The following CFDP1 variants were observed in gnomAD, a reference collection of about 807,000 sequenced individuals.
The protein encoded by CFDP1 is heterochromatin-stabilizing protein CFDP1.
In CFDP1, 31 loss-of-function variants were observed where a neutral mutation model predicts 40.1. That is an observed-to-expected ratio of 0.77 (90% CI 0.58 to 1.04). The LOEUF is 1.04. CFDP1 is among the 50% of genes least tolerant of loss of function. The pLI is 0.00. For missense variants in CFDP1, 423 were observed against 343.4 expected, an observed-to-expected ratio of 1.23 and a Z score of -1.83; for synonymous variants, 167 against 120.0, an observed-to-expected ratio of 1.39 and a Z score of -2.56.
At chr16:75,410,937 G>C (rs1384409605) in intron 4 of CFDP1, among the ~76,000 whole-genome samples, 2 of 145,072 alleles carry the variant, frequency 1.4e-5, no homozygotes, top group Non-Finnish European at 3.0e-5. Flanking sequence ...GAAAAAAAAA[G>C]GCCAGGAGTG....
At position 75,294,502 on chromosome 16, in the gene CFDP1, A is replaced by G. The variant is rs549717324; in HGVS notation, c.810-460T>C. Among the ~76,000 whole-genome samples, 25 of 152,312 alleles carry G rather than the reference A, an allele frequency of 1.6e-4. No homozygotes were observed. In the South Asian group the frequency reaches 5.0e-3, roughly 30 times the overall value. On this transcript the variant is annotated intron_variant, in intron 6 of 6. Transcript: ENST00000283882. ...AAAGCTAGGCCTCCTGCATACATAC[A>G]TCAAAACATGAAAAGGGGGCATGTG... is the stretch of plus-strand genomic sequence containing the variant.
chr16:75,407,654 C>CAAAAAAAAAAAAAAAAAAAAAAAA (rs11456525), intron 4 of CFDP1, among the ~76,000 whole-genome samples: 1 of 116,794 alleles, frequency 8.6e-6, no homozygotes. Context: ...GACCCTGTCT[C>CAAAAAAAAAAAAAAAAAAAAAAAA]AAAAAAAAAA....
In CFDP1 at chr16:75,384,852, CTATATATATATATATATATA is replaced by C. The variant is rs59681577; in HGVS notation, c.650+10218_650+10237del. Among the ~76,000 whole-genome samples the C allele has an allele frequency of 3.4e-4, 41 of 119,996 alleles. 2 individuals carry two copies. The South Asian group carries it at 3.6e-3, about 11-fold the overall frequency. 78.7% of individuals were successfully genotyped at this position (119,996 alleles called of 152,430 possible). A position where few individuals can be genotyped will look rare whatever the true frequency, so the allele number is the denominator to read the frequency against. ...TACAAGTTGCAAGAAGAAACTAAAA[CTATATATATATATATATATA>C]TATATATATATATATATATATATAT... On this transcript the variant is annotated intron_variant, in intron 5 of 6. Transcript: ENST00000283882.
rs555667800 is a variant in CFDP1, at chr16:75,361,714, A to G, written c.650+33376T>C. On this transcript the variant is annotated intron_variant, in intron 5 of 6. Coordinates refer to ENST00000283882, the MANE Select transcript of CFDP1 (RefSeq NM_006324.3). Reference sequence around the variant, plus strand: ...ATTAAAAAAAGTTTTTTTACAATACACAATAGAACTGTCAAAAGGCACTTG... The same window carrying G: ...ATTAAAAAAAGTTTTTTTACAATACGCAATAGAACTGTCAAAAGGCACTTG... Among the ~76,000 whole-genome samples the G allele has an allele frequency of 2.2e-4, 33 of 152,312 alleles. 1 individual carries two copies. In the South Asian group the frequency reaches 6.8e-3, roughly 32 times the overall value.
intron 5 of CFDP1, among the ~76,000 whole-genome samples, chr16:75,324,180 T>G (rs781767295): frequency 6.6e-6 from 1 of 151,678 alleles, no homozygotes. Flanking sequence ...ACACAGGAAG[T>G]GCAGTAGAGC....
At chr16:75,294,156 C>T in intron 6 of CFDP1, 114 bp from the exon 7 acceptor site, 1 of 738,656 alleles carries the variant, frequency 1.4e-6, no homozygotes, top group Non-Finnish European at 2.3e-6. Flanking sequence ...CGAGAGTGAC[C>T]ACCCATGACT....
At chr16:75,386,833 A>C (rs1472843349) in intron 5 of CFDP1, among the ~76,000 whole-genome samples, 2 of 152,228 alleles carry the variant, frequency 1.3e-5, no homozygotes, top group Non-Finnish European at 2.9e-5. Flanking sequence ...CCCTCCCAAA[A>C]GGATATCACT....
Position 75,293,894 on chromosome 16 carries a change from C to A in CFDP1, c.*58G>T. 2 of 1,383,520 alleles carry A rather than the reference C, an allele frequency of 1.4e-6. No individual in the cohort carries two copies. Among genetic ancestry groups the A allele is most frequent in the Non-Finnish European group, 2.1e-6 (2 of 975,550 alleles). The allele number at this position is 1,383,520 out of a possible 1,614,324, so 85.7% of individuals were successfully genotyped here. ...GAAACACTGTAAAACATTTCACAGA[C>A]GCACAAAAAGCTCACATTGTAAACA... On this transcript the variant is annotated 3_prime_UTR_variant, in exon 7 of 7. Coordinates refer to ENST00000283882, the MANE Select transcript of CFDP1 (RefSeq NM_006324.3).
chr16:75,376,719 C>T (rs754798159), intron 5 of CFDP1, among the ~76,000 whole-genome samples: 107 of 152,080 alleles, frequency 7.0e-4, no homozygotes, highest in Non-Finnish European at 1.8e-4. Context: ...GATACCAAAC[C>T]AAATTGATGA....
intron 1 of CFDP1, among the ~76,000 whole-genome samples, chr16:75,423,629 T>C (rs1319732150): frequency 6.6e-6 from 1 of 151,988 alleles, no homozygotes; most frequent in Non-Finnish European, 1.5e-5. Flanking sequence ...ATTCTCCTGC[T>C]TCAGCCTCCC....
In CFDP1 at chr16:75,420,111, CAAAAAAAA is replaced by C. The variant is rs10706144; in HGVS notation, c.65-5424_65-5417del. On this transcript the variant is annotated intron_variant, in intron 1 of 6. Coordinates refer to ENST00000283882, the MANE Select transcript of CFDP1 (RefSeq NM_006324.3). ...GAACAACACAGTGAGACCTTCATCT[CAAAAAAAA>C]AAAAAAAAAAAAAAAAATTAAAAAG... 2.1e-3 allele frequency among the ~76,000 whole-genome samples: 129 copies of C among 62,638 alleles called. 1 individual carries two copies. Among genetic ancestry groups the C allele is most frequent in the Non-Finnish European group, 3.1e-3 (103 of 33,224 alleles). The allele number at this position is 62,638 out of a possible 152,430, so 41.1% of individuals were successfully genotyped here.
At chr16:75,423,462 G>A (rs1340414307) in intron 1 of CFDP1, among the ~76,000 whole-genome samples, 1 of 151,948 alleles carries the variant, frequency 6.6e-6, no homozygotes, top group East Asian at 1.9e-4. Flanking sequence ...CAGTAGCTGG[G>A]ACTAATTTTT....
intron 1 of CFDP1, among the ~76,000 whole-genome samples, chr16:75,422,731 C>A (rs957590738): frequency 1.4e-5 from 2 of 147,466 alleles, no homozygotes; most frequent in African/African-American, 5.0e-5. Flanking sequence ...AAAAAAAAAA[C>A]ACGTTTTTAG....
intron 5 of CFDP1, among the ~76,000 whole-genome samples, chr16:75,309,819 CAAAAA>C (rs1156624164): frequency 2.2e-5 from 1 of 46,480 alleles, no homozygotes; most frequent in Non-Finnish European, 3.5e-5. Flanking sequence ...GACTCCATCT[CAAAAA>C]AAAAAAAAAA....
intron 5 of CFDP1, among the ~76,000 whole-genome samples, chr16:75,330,864 A>G (rs1358220933): frequency 3.9e-5 from 6 of 151,970 alleles, no homozygotes; most frequent in Non-Finnish European, 1.5e-5. Context: ...ATCCCCAAGT[A>G]CACTGAGTCC....
At chr16:75,303,400 A>AATAAATGAATGT (rs745774792) in intron 6 of CFDP1, among the ~76,000 whole-genome samples, 2 of 146,246 alleles carry the variant, frequency 1.4e-5, no homozygotes, top group Non-Finnish European at 1.5e-5. Context: ...TAAATAAATA[A>AATAAATGAATGT]ATGTATGTAT....
At chr16:75,430,750 C>T (rs960294699) in intron 1 of CFDP1, among the ~76,000 whole-genome samples, 1 of 152,206 alleles carries the variant, frequency 6.6e-6, no homozygotes, top group Non-Finnish European at 1.5e-5. Flanking sequence ...AGGCTCGAGC[C>T]ACTGCTCGGC....
chr16:75,355,305 T>C (rs777763134), intron 5 of CFDP1, among the ~76,000 whole-genome samples: 1 of 152,248 alleles, frequency 6.6e-6, no homozygotes, highest in Non-Finnish European at 1.5e-5. Context: ...GAAAGATTTC[T>C]GTAGCATGCA....
intron 5 of CFDP1, among the ~76,000 whole-genome samples, chr16:75,318,695 C>T (rs984673369): frequency 5.9e-5 from 9 of 152,196 alleles, no homozygotes; most frequent in East Asian, 1.9e-4. Context: ...TGAGCCACTG[C>T]GCCCGGCCGG....
Sources: allele counts gnomAD v4.1 joint callset (sites outside exome capture counted in the v4.1 genomes callset), GRCh38; gene constraint gnomAD v4.1.1; transcripts MANE v1.5; gene names NCBI Gene and HGNC (gene_info 2026-07-23, HGNC 2026-07-21).